TMEM117: variants seen among roughly 807,000 people sequenced by gnomAD.
The protein encoded by TMEM117 is transmembrane protein 117.
Under a neutral mutation model 52.4 loss-of-function variants are expected in TMEM117, and 27 were observed. The observed-to-expected ratio is 0.51, with a 90% CI of 0.38 to 0.71. The LOEUF (loss-of-function observed/expected upper bound fraction) is 0.71, where lower values mean the gene tolerates loss of function less well. Among genes scored for constraint, TMEM117 ranks in the 30% least tolerant of loss-of-function variants. The probability of loss-of-function intolerance (pLI) is 0.00; values close to 1 mark genes in which losing one functional copy is unlikely to be tolerated. For synonymous variants in TMEM117, 215 were observed against 206.3 expected, an observed-to-expected ratio of 1.04 and a Z score of -0.36; for missense variants, 556 against 630.5, an observed-to-expected ratio of 0.88 and a Z score of 1.26.
chr12:44,061,641 A>AT (rs1282606505), intron 3 of TMEM117, among the ~76,000 whole-genome samples: 2 of 151,944 alleles, frequency 1.3e-5, no homozygotes, highest in Non-Finnish European at 2.9e-5. Context: ...GTATGATTAC[A>AT]TTTTTTTTCA....
rs1311677633 is a variant in TMEM117, at chr12:43,910,126, C to T, written c.278-34084C>T. 1.0e-3 allele frequency among the ~76,000 whole-genome samples: 133 copies of T among 127,572 alleles called. 2 individuals are homozygous for T. Among genetic ancestry groups the T allele is most frequent in the African/African-American group, 2.1e-3 (76 of 36,534 alleles). 83.7% of individuals were successfully genotyped at this position (127,572 alleles called of 152,430 possible). A position where few individuals can be genotyped will look rare whatever the true frequency, so the allele number is the denominator to read the frequency against. Reference sequence around the variant, plus strand: ...TACTGGCAAACCGAATCCAGCAGCACATCAAAAAGCTTATCCACCATGATC... The same window carrying T: ...TACTGGCAAACCGAATCCAGCAGCATATCAAAAAGCTTATCCACCATGATC... On this transcript the variant is annotated intron_variant, in intron 2 of 7. Transcript: ENST00000266534.
the TMEM117 span, among the ~76,000 whole-genome samples, chr12:43,821,415 G>GGACT: frequency 2.0e-5 from 3 of 152,050 alleles, no homozygotes; most frequent in Non-Finnish European, 4.4e-5. Flanking sequence ...CAAGTAGCTG[G>GGACT]GACTACAGGC....
chr12:44,357,577 A>G (rs370029400), intron 6 of TMEM117, among the ~76,000 whole-genome samples: 2 of 152,200 alleles, frequency 1.3e-5, no homozygotes, highest in Non-Finnish European at 2.9e-5. Flanking sequence ...TAGCGTTTCC[A>G]TGTTACTAAT....
intron 2 of TMEM117, among the ~76,000 whole-genome samples, chr12:43,927,981 C>CT (rs965653005): frequency 6.0e-5 from 9 of 150,194 alleles, no homozygotes; most frequent in South Asian, 2.1e-4. Context: ...TCTTTTTTCC[C>CT]TTTTTTTTTG....
intron 3 of TMEM117, among the ~76,000 whole-genome samples, chr12:43,982,024 A>G (rs1215722368): frequency 1.3e-5 from 2 of 152,210 alleles, no homozygotes; most frequent in African/African-American, 2.4e-5. Flanking sequence ...TTCTCATCAC[A>G]AAGAAAGGAT....
intron 3 of TMEM117, among the ~76,000 whole-genome samples, chr12:44,042,501 G>A (rs1431487233): frequency 2.6e-5 from 4 of 151,926 alleles, no homozygotes; most frequent in Non-Finnish European, 5.9e-5. Context: ...AGTGGGCTGG[G>A]GAAGGCAGAC....
the TMEM117 span, chr12:43,806,276 C>G: frequency 6.6e-7 from 1 of 1,511,856 alleles, no homozygotes; most frequent in Non-Finnish European, 8.8e-7. Flanking sequence ...GGCTCCGGCG[C>G]TGAGTGCAGC....
the TMEM117 span, among the ~76,000 whole-genome samples, chr12:43,830,154 G>A: frequency 6.7e-6 from 1 of 148,982 alleles, no homozygotes; most frequent in Non-Finnish European, 1.5e-5. Context: ...TCTCTGTCAA[G>A]GTAATAGCCC....
chr12:44,185,407 C>CT (rs1949263537), intron 4 of TMEM117, among the ~76,000 whole-genome samples: 1 of 152,046 alleles, frequency 6.6e-6, no homozygotes, highest in Non-Finnish European at 1.5e-5. Flanking sequence ...CCTTTGTCCT[C>CT]TAAGTTATAT....
intron 3 of TMEM117, among the ~76,000 whole-genome samples, chr12:43,983,686 T>C (rs1445336001): frequency 1.3e-5 from 2 of 150,988 alleles, no homozygotes; most frequent in African/African-American, 4.9e-5. Flanking sequence ...AGGAGGGAAT[T>C]AATCTACATT....
chr12:44,159,131 T>C (rs1262634875), intron 4 of TMEM117, among the ~76,000 whole-genome samples: 1 of 152,172 alleles, frequency 6.6e-6, no homozygotes, highest in African/African-American at 2.4e-5. Context: ...ATATTGGTTC[T>C]GAGATAATAT....
chr12:44,139,582 A>C (rs1388168988), intron 3 of TMEM117, among the ~76,000 whole-genome samples: 2 of 152,126 alleles, frequency 1.3e-5, no homozygotes, highest in Admixed American at 6.6e-5. Flanking sequence ...TAGGATCTTA[A>C]AAGCCTATAT....
chr12:44,332,736 CACACACACACACAG>C (rs1368626724), intron 6 of TMEM117, among the ~76,000 whole-genome samples: 1 of 149,816 alleles, frequency 6.7e-6, no homozygotes, highest in Non-Finnish European at 1.5e-5. Context: ...CACACACACA[CACACACACACACAG>C]ACACACACAC....
intron 5 of TMEM117, among the ~76,000 whole-genome samples, chr12:44,232,386 G>C (rs1181464868): frequency 6.6e-6 from 1 of 151,208 alleles, no homozygotes; most frequent in African/African-American, 2.4e-5. Context: ...TTTTCCACTG[G>C]TCTGCAGTGC....
intron 2 of TMEM117, among the ~76,000 whole-genome samples, chr12:43,934,315 T>C (rs1364761659): frequency 2.0e-5 from 3 of 152,172 alleles, no homozygotes; most frequent in Admixed American, 2.0e-4. Flanking sequence ...TGTTTTTTCA[T>C]GTTGAGCAAT....
chr12:44,195,300 A>T (rs1219440936), intron 4 of TMEM117, among the ~76,000 whole-genome samples: 4 of 152,166 alleles, frequency 2.6e-5, no homozygotes, highest in Non-Finnish European at 5.9e-5. Context: ...GGTCTTTTCA[A>T]ATTGTCTATT....
At chr12:44,107,179 C>T (rs1388774) in intron 3 of TMEM117, among the ~76,000 whole-genome samples, 1 of 152,016 alleles carries the variant, frequency 6.6e-6, no homozygotes, top group African/African-American at 2.4e-5. Flanking sequence ...TCATCAATTT[C>T]TACTGTAAAA....
chr12:43,811,423 T>G, the TMEM117 span, among the ~76,000 whole-genome samples: 12 of 152,236 alleles, frequency 7.9e-5, no homozygotes, highest in African/African-American at 2.9e-4. Flanking sequence ...CCTTGTTGAT[T>G]GTCACTCTCC....
At chr12:43,882,093 A>C (rs565910012) in intron 2 of TMEM117, among the ~76,000 whole-genome samples, 118 of 152,152 alleles carry the variant, frequency 7.8e-4, no homozygotes, top group African/African-American at 1.2e-3. Flanking sequence ...ACAAACTAAA[A>C]AACAACAACA....
Sources: allele counts gnomAD v4.1 joint callset (sites outside exome capture counted in the v4.1 genomes callset), GRCh38; gene constraint gnomAD v4.1.1; transcripts MANE v1.5; gene names NCBI Gene and HGNC (gene_info 2026-07-23, HGNC 2026-07-21).